The following KIF5C variants were observed in gnomAD, a reference collection of about 807,000 sequenced individuals.
KIF5C encodes kinesin family member 5C.
KIF5C carries 18 observed loss-of-function variants against 125.2 expected under a neutral mutation model. The observed-to-expected ratio is 0.14, with a 90% CI of 0.10 to 0.21. The LOEUF is 0.21. Among genes scored for constraint, KIF5C ranks in the 10% least tolerant of loss-of-function variants. The pLI is 1.00. For synonymous variants in KIF5C, 405 were observed against 434.0 expected (o/e 0.93, Z 0.83); for missense variants, 780 against 1,183.8 (o/e 0.66, Z 5.01).
At chr2:148,990,939 A>G in intron 15 of KIF5C, 71 bp from the exon 16 acceptor site, 1 of 1,506,696 alleles carries the variant, frequency 6.6e-7, no homozygotes, top group Non-Finnish European at 8.9e-7. Context: ...ATCCAGGGGC[A>G]GGTTTCCAGG....
chr2:148,923,125 G>A (rs1472568814), intron 2 of KIF5C, among the ~76,000 whole-genome samples: 3 of 152,288 alleles, frequency 2.0e-5, no homozygotes, highest in East Asian at 1.9e-4. Context: ...GCTGCCCCCT[G>A]TATAGGCAGC....
At chr2:148,940,458 C>G (rs1682384004) in intron 4 of KIF5C, among the ~76,000 whole-genome samples, 1 of 152,104 alleles carries the variant, frequency 6.6e-6, no homozygotes, top group African/African-American at 2.4e-5. Flanking sequence ...TGGGATGGTT[C>G]CAGTCAGGTA....
intron 1 of KIF5C, among the ~76,000 whole-genome samples, chr2:148,882,490 C>T (rs1681394420): frequency 6.6e-6 from 1 of 152,114 alleles, no homozygotes; most frequent in Non-Finnish European, 1.5e-5. Context: ...CATTCCAGGC[C>T]CTCCATACTG....
chr2:148,980,387 A>G (rs564820304), intron 13 of KIF5C, among the ~76,000 whole-genome samples: 2 of 152,214 alleles, frequency 1.3e-5, no homozygotes, highest in South Asian at 2.1e-4. Context: ...TTCTTTTTCT[A>G]TACTATCAAG....
At chr2:148,927,013 T>C (rs964339969) in intron 2 of KIF5C, among the ~76,000 whole-genome samples, 84 of 152,116 alleles carry the variant, frequency 5.5e-4, no homozygotes, top group Non-Finnish European at 1.0e-4. Context: ...AAAAAAATAG[T>C]GTTCAGTGAC....
At chr2:148,896,391 A>C (rs915630017) in intron 1 of KIF5C, among the ~76,000 whole-genome samples, 3 of 152,180 alleles carry the variant, frequency 2.0e-5, no homozygotes, top group Non-Finnish European at 4.4e-5. Flanking sequence ...TTGAAGCCTG[A>C]GTATTGGAAG....
At position 149,001,420 on chromosome 2, in the gene KIF5C, G is replaced by A. The variant is rs559556054; in HGVS notation, c.2373+638G>A. On this transcript the variant is annotated intron_variant, in intron 21 of 25. Coordinates refer to ENST00000435030, the MANE Select transcript of KIF5C (RefSeq NM_004522.3). ...GGGACTGTCCTGTTGGGGGCCAGCAGGGAGGTTTGTGTGGCTGCAGCTGAG... is the reference window on the plus strand; with the variant it reads ...GGGACTGTCCTGTTGGGGGCCAGCAAGGAGGTTTGTGTGGCTGCAGCTGAG... 1.6e-4 allele frequency among the ~76,000 whole-genome samples: 25 copies of A among 152,318 alleles called. No homozygotes were observed. The South Asian group carries it at 4.2e-3, about 25-fold the overall frequency.
At chr2:149,014,862 AGTT>A (rs1262978453) in intron 25 of KIF5C, among the ~76,000 whole-genome samples, 1 of 152,208 alleles carries the variant, frequency 6.6e-6, no homozygotes, top group African/African-American at 2.4e-5. Flanking sequence ...TGAGTATCCT[AGTT>A]GTTGCTATGA....
At chr2:148,989,592 C>T (rs754505891) in intron 15 of KIF5C, among the ~76,000 whole-genome samples, 21 of 152,190 alleles carry the variant, frequency 1.4e-4, no homozygotes, top group Non-Finnish European at 2.6e-4. Context: ...TACTAGTTTA[C>T]GTTCCCACCA....
At chr2:148,932,331 T>G (rs1292951379) in intron 3 of KIF5C, among the ~76,000 whole-genome samples, 1 of 152,216 alleles carries the variant, frequency 6.6e-6, no homozygotes, top group Non-Finnish European at 1.5e-5. Flanking sequence ...TGGTCTGACA[T>G]CCAGTGGTGA....
intron 4 of KIF5C, among the ~76,000 whole-genome samples, chr2:148,940,154 G>A (rs756446661): frequency 2.0e-5 from 3 of 152,156 alleles, no homozygotes; most frequent in Non-Finnish European, 2.9e-5. Context: ...AATAGAATGC[G>A]CTGAACCAGG....
At chr2:148,891,035 A>C (rs1681695687) in intron 1 of KIF5C, among the ~76,000 whole-genome samples, 1 of 152,172 alleles carries the variant, frequency 6.6e-6, no homozygotes, top group Non-Finnish European at 1.5e-5. Flanking sequence ...AAAGTATAAT[A>C]AAGTAATTTA....
intron 10 of KIF5C, among the ~76,000 whole-genome samples, chr2:148,958,251 T>C (rs546307968): frequency 2.6e-5 from 4 of 152,184 alleles, no homozygotes; most frequent in Non-Finnish European, 5.9e-5. Context: ...CTTTAGTAGA[T>C]ACTACTAAAG....
intron 25 of KIF5C, among the ~76,000 whole-genome samples, chr2:149,014,693 AAAATG>A (rs1682309739): frequency 2.0e-5 from 3 of 152,244 alleles, no homozygotes; most frequent in Non-Finnish European, 4.4e-5. Context: ...TTGCTCAATA[AAAATG>A]TTAGCTGCTA....
intron 24 of KIF5C, among the ~76,000 whole-genome samples, chr2:149,010,908 C>T (rs1262293710): frequency 6.6e-6 from 1 of 152,142 alleles, no homozygotes; most frequent in Non-Finnish European, 1.5e-5. Flanking sequence ...GCATTTTGCC[C>T]ATGTAGGAAA....
chr2:148,880,548 C>A (rs1474382416), intron 1 of KIF5C, among the ~76,000 whole-genome samples: 1 of 152,190 alleles, frequency 6.6e-6, no homozygotes, highest in Non-Finnish European at 1.5e-5. Flanking sequence ...TGTAAAGTAA[C>A]CATACGGTTA....
intron 16 of KIF5C, among the ~76,000 whole-genome samples, chr2:148,992,948 C>A (rs1261121823): frequency 6.6e-6 from 1 of 152,230 alleles, no homozygotes; most frequent in Non-Finnish European, 1.5e-5. Context: ...ATGGAGACCC[C>A]ATGGCCTGCA....
intron 1 of KIF5C, among the ~76,000 whole-genome samples, chr2:148,892,797 T>A (rs1276250186): frequency 6.6e-6 from 1 of 152,196 alleles, no homozygotes; most frequent in Non-Finnish European, 1.5e-5. Context: ...AATGGAGAGA[T>A]TTATGTCTGC....
At chr2:148,950,034 G>C in intron 9 of KIF5C, 91 bp downstream of exon 9, 1 of 1,483,926 alleles carries the variant, frequency 6.7e-7, no homozygotes, top group African/African-American at 1.4e-5. Context: ...CCCAAAGGCT[G>C]GTTTGTTTTT....
Sources: gnomAD v4.1 joint callset for allele counts (sites outside exome capture counted in the v4.1 genomes callset) on GRCh38, gnomAD v4.1.1 for gene constraint, MANE v1.5 for transcripts, NCBI Gene and HGNC (gene_info 2026-07-23, HGNC 2026-07-21) for gene names.